Variants in RASSF2 observed in about 807,000 individuals in gnomAD.
RASSF2 encodes the protein ras association domain-containing protein 2.
Under a neutral mutation model 46.3 loss-of-function variants are expected in RASSF2, and 34 were observed. The ratio of observed to expected loss-of-function variants is 0.73; its 90% CI spans 0.56 to 0.98. The LOEUF is 0.98. RASSF2 is among the 50% of genes least tolerant of loss of function. The pLI is 0.00. For missense variants in RASSF2, 364 were observed against 431.2 expected (o/e 0.84, Z 1.38); for synonymous variants, 158 against 162.5 (o/e 0.97, Z 0.21).
chr20:4,803,333 GA>G (rs1927052101), intron 2 of RASSF2, among the ~76,000 whole-genome samples: 1 of 152,174 alleles, frequency 6.6e-6, no homozygotes, highest in Non-Finnish European at 1.5e-5. Flanking sequence ...ACAGCCTCTA[GA>G]AGCTGGAAAA....
At chr20:4,786,175 C>A (rs1449310054) in intron 11 of RASSF2, 56 bp downstream of exon 11, 8 of 1,369,788 alleles carry the variant, frequency 5.8e-6, no homozygotes, top group African/African-American at 1.4e-5. Context: ...CCAGCAGAGG[C>A]CCCTCTGTTG....
chr20:4,809,363 C>G (rs977603478), intron 2 of RASSF2, among the ~76,000 whole-genome samples: 3 of 152,100 alleles, frequency 2.0e-5, no homozygotes, highest in Admixed American at 6.5e-5. Flanking sequence ...CATGCTCCCC[C>G]TCAGACCCAG....
intron 2 of RASSF2, among the ~76,000 whole-genome samples, chr20:4,809,036 T>G (rs1167467424): frequency 6.6e-6 from 1 of 152,236 alleles, no homozygotes; most frequent in Middle Eastern, 3.2e-3. Context: ...CCTGTCATGC[T>G]GGAACCCTGT....
In RASSF2 at chr20:4,782,216, C is replaced by T. The variant is rs557872743; in HGVS notation, c.*2057G>A. 6.6e-6 allele frequency: 1 copy of T among 152,622 alleles called. No individual in the cohort carries two copies. Among genetic ancestry groups the T allele is most frequent in the East Asian group, 1.9e-4 (1 of 5,190 alleles). The allele number at this position is 152,622 out of a possible 1,614,324, so 9.5% of individuals were successfully genotyped here. A position where few individuals can be genotyped will look rare whatever the true frequency, so the allele number is the denominator to read the frequency against. ...GAGAACTCTTATAAGCCAGAAATCGCTGTCCAGTAAGAGCTAGTGGTTAGT... is the reference window on the plus strand; with the variant it reads ...GAGAACTCTTATAAGCCAGAAATCGTTGTCCAGTAAGAGCTAGTGGTTAGT... On this transcript the variant is annotated 3_prime_UTR_variant, in exon 12 of 12. Coordinates refer to ENST00000379400, the MANE Select transcript of RASSF2 (RefSeq NM_014737.3).
intron 3 of RASSF2, among the ~76,000 whole-genome samples, 154 bp downstream of exon 3, chr20:4,800,817 AG>A (rs1315456294): frequency 6.6e-6 from 1 of 152,078 alleles, no homozygotes; most frequent in Non-Finnish European, 1.5e-5. Flanking sequence ...CGCTCTTACA[AG>A]TCCAAGTTCA....
At chr20:4,785,086 G>T (rs570319015) in intron 11 of RASSF2, among the ~76,000 whole-genome samples, 1 of 144,164 alleles carries the variant, frequency 6.9e-6, no homozygotes, top group Non-Finnish European at 1.5e-5. Context: ...GAGGAGGGTG[G>T]ATCACTTGAG....
intron 6 of RASSF2, among the ~76,000 whole-genome samples, chr20:4,791,311 A>T (rs1183893681): frequency 3.3e-5 from 5 of 152,154 alleles, no homozygotes; most frequent in African/African-American, 1.2e-4. Context: ...GTTTCACAAG[A>T]TGGAAAGAGT....
At chr20:4,802,782 A>C (rs1926987288) in intron 2 of RASSF2, among the ~76,000 whole-genome samples, 1 of 151,966 alleles carries the variant, frequency 6.6e-6, no homozygotes, top group African/African-American at 2.4e-5. Flanking sequence ...CAACATGTGA[A>C]GTTACTTAAT....
intron 2 of RASSF2, among the ~76,000 whole-genome samples, chr20:4,806,587 G>T (rs1048997163): frequency 6.6e-6 from 1 of 152,066 alleles, no homozygotes; most frequent in South Asian, 2.1e-4. Flanking sequence ...TTAAAGGCAT[G>T]GGCTGCCACA....
intron 10 of RASSF2, among the ~76,000 whole-genome samples, chr20:4,786,798 A>C (rs1435208689): frequency 6.6e-6 from 1 of 152,092 alleles, no homozygotes; most frequent in African/African-American, 2.4e-5. Flanking sequence ...AAGTTTAAAA[A>C]CGGTGCCAGG....
At chr20:4,796,345 C>T (rs1268358681) in intron 4 of RASSF2, among the ~76,000 whole-genome samples, 3 of 152,340 alleles carry the variant, frequency 2.0e-5, no homozygotes, top group Middle Eastern at 3.4e-3. Context: ...CGTCCCATCC[C>T]CTACTACGGA....
Position 4,784,127 on chromosome 20 carries a change from C to T in RASSF2, c.*146G>A. Reference sequence around the variant, plus strand: ...GGGAGCTGTCTGCTGACTTCTACATCCAGCTCCAGGTAGCAAATGATGGCT... The same window carrying T: ...GGGAGCTGTCTGCTGACTTCTACATTCAGCTCCAGGTAGCAAATGATGGCT... On this transcript the variant is annotated 3_prime_UTR_variant, in exon 12 of 12. Coordinates refer to ENST00000379400, the MANE Select transcript of RASSF2 (RefSeq NM_014737.3). 1 of 764,644 alleles carries T rather than the reference C, an allele frequency of 1.3e-6. No homozygotes were observed. Among genetic ancestry groups the T allele is most frequent in the Non-Finnish European group, 2.2e-6 (1 of 448,010 alleles). 47.4% of individuals were successfully genotyped at this position (764,644 alleles called of 1,614,324 possible). A position where few individuals can be genotyped will look rare whatever the true frequency, so the allele number is the denominator to read the frequency against.
At chr20:4,791,408 G>T (rs942337354) in intron 6 of RASSF2, among the ~76,000 whole-genome samples, 7 of 152,038 alleles carry the variant, frequency 4.6e-5, no homozygotes, top group African/African-American at 1.7e-4. Flanking sequence ...GGTTAAGATG[G>T]TAAACGTTAT....
At chr20:4,789,380 G>A (rs1296283021) in intron 8 of RASSF2, among the ~76,000 whole-genome samples, 3 of 152,188 alleles carry the variant, frequency 2.0e-5, no homozygotes, top group African/African-American at 4.8e-5. Flanking sequence ...TGGGTCTGGG[G>A]TGGGGCCTGA....
intron 5 of RASSF2, 52 bp from the exon 6 acceptor site, chr20:4,792,679 G>A: frequency 6.3e-7 from 1 of 1,590,860 alleles, no homozygotes; most frequent in Non-Finnish European, 8.6e-7. Context: ...AAGCCCTGTG[G>A]AGAGACGCCC....
intron 4 of RASSF2, among the ~76,000 whole-genome samples, chr20:4,796,306 T>A (rs59947114): frequency 6.6e-6 from 1 of 152,180 alleles, no homozygotes; most frequent in African/African-American, 2.4e-5. Flanking sequence ...ATTAGCCTTG[T>A]TAACAGAAGC....
chr20:4,813,268 A>C (rs539116556), intron 2 of RASSF2, among the ~76,000 whole-genome samples: 1 of 152,218 alleles, frequency 6.6e-6, no homozygotes, highest in Non-Finnish European at 1.5e-5. Context: ...GGAGGAACTG[A>C]AACACAGCAA....
intron 2 of RASSF2, among the ~76,000 whole-genome samples, chr20:4,816,778 T>TGTAAAAATA (rs1249207384): frequency 2.6e-5 from 4 of 152,186 alleles, no homozygotes; most frequent in African/African-American, 9.7e-5. Context: ...TGATACAGTT[T>TGTAAAAATA]GTAAAAATAG....
At chr20:4,805,305 G>A (rs1336802671) in intron 2 of RASSF2, among the ~76,000 whole-genome samples, 4 of 152,168 alleles carry the variant, frequency 2.6e-5, no homozygotes, top group African/African-American at 4.8e-5. Flanking sequence ...ACAGCAGAGA[G>A]AAGGCGACGT....
Sources: allele counts gnomAD v4.1 joint callset (sites outside exome capture counted in the v4.1 genomes callset), GRCh38; gene constraint gnomAD v4.1.1; transcripts MANE v1.5; gene names NCBI Gene and HGNC (gene_info 2026-07-23, HGNC 2026-07-21).